CNTN5: variants seen among roughly 807,000 people sequenced by gnomAD.
CNTN5 encodes contactin 5.
In CNTN5, 77 loss-of-function variants were observed where a neutral mutation model predicts 129.1. That is an observed-to-expected ratio of 0.60 (90% CI 0.50 to 0.72). CNTN5 has a LOEUF of 0.72. Among genes scored for constraint, CNTN5 ranks in the 30% least tolerant of loss-of-function variants. CNTN5 has a pLI of 0.00. For missense variants in CNTN5, 1,478 were observed against 1,328.8 expected (o/e 1.11, Z -1.75); for synonymous variants, 509 against 465.6 (o/e 1.09, Z -1.20).
At chr11:99,889,156 A>G (rs1205956558) in intron 6 of CNTN5, among the ~76,000 whole-genome samples, 1 of 152,130 alleles carries the variant, frequency 6.6e-6, no homozygotes, top group Non-Finnish European at 1.5e-5. Flanking sequence ...ATAAATAGAT[A>G]TTGTCTAAAA....
intron 1 of CNTN5, among the ~76,000 whole-genome samples, chr11:99,163,585 T>C (rs1860723937): frequency 6.6e-6 from 1 of 152,204 alleles, no homozygotes; most frequent in African/African-American, 2.4e-5. Flanking sequence ...ATATATTTCT[T>C]AGTATACTTC....
At chr11:99,633,082 G>T (rs901642278) in intron 3 of CNTN5, among the ~76,000 whole-genome samples, 4 of 152,124 alleles carry the variant, frequency 2.6e-5, no homozygotes, top group Non-Finnish European at 5.9e-5. Flanking sequence ...GTGAAATGGG[G>T]AATCAGCTCC....
intron 8 of CNTN5, among the ~76,000 whole-genome samples, chr11:99,993,287 C>A (rs7117966): frequency 0.38 from 57,445 of 151,892 alleles, 12,363 homozygotes; most frequent in African/African-American, 0.59. Context: ...ACATAAGGTC[C>A]GAAAATCCCT....
chr11:99,244,092 A>C (rs970159417), intron 1 of CNTN5, among the ~76,000 whole-genome samples: 1 of 152,200 alleles, frequency 6.6e-6, no homozygotes, highest in Non-Finnish European at 1.5e-5. Flanking sequence ...CTTCCAATCC[A>C]TGAACATAGA....
chr11:99,985,570 G>C (rs752212614), intron 8 of CNTN5, among the ~76,000 whole-genome samples: 6 of 152,152 alleles, frequency 3.9e-5, no homozygotes, highest in East Asian at 1.9e-4. Context: ...GGGAAAGAGA[G>C]GGCAGACAGG....
intron 1 of CNTN5, among the ~76,000 whole-genome samples, chr11:99,095,083 T>C (rs1389324256): frequency 1.3e-5 from 2 of 151,894 alleles, no homozygotes; most frequent in Non-Finnish European, 2.9e-5. Context: ...GCTGTACCCA[T>C]CAACTTGTCA....
At chr11:99,426,163 T>C (rs1943110733) in intron 2 of CNTN5, among the ~76,000 whole-genome samples, 1 of 152,226 alleles carries the variant, frequency 6.6e-6, no homozygotes, top group South Asian at 2.1e-4. Flanking sequence ...AATCTGACTA[T>C]TTCTCTTTTG....
At chr11:100,287,703 T>C (rs1211544208) in intron 18 of CNTN5, among the ~76,000 whole-genome samples, 3 of 152,000 alleles carry the variant, frequency 2.0e-5, no homozygotes, top group East Asian at 1.9e-4. Flanking sequence ...CATCAACTAA[T>C]GAGCAAAATA....
intron 13 of CNTN5, among the ~76,000 whole-genome samples, chr11:100,147,732 AGG>A: frequency 6.9e-6 from 1 of 143,974 alleles, no homozygotes; most frequent in South Asian, 2.2e-4. Context: ...AATGACTAAT[AGG>A]ATTTGGGGTG....
chr11:99,407,846 G>A (rs539269963), intron 2 of CNTN5, among the ~76,000 whole-genome samples: 1 of 152,156 alleles, frequency 6.6e-6, no homozygotes, highest in South Asian at 2.1e-4. Flanking sequence ...TATAACAAGG[G>A]CAGCACTGAG....
At chr11:100,196,289 C>A (rs1948636671) in intron 15 of CNTN5, among the ~76,000 whole-genome samples, 1 of 151,524 alleles carries the variant, frequency 6.6e-6, no homozygotes, top group Admixed American at 6.6e-5. Flanking sequence ...GTAACTTAAA[C>A]TAACTAAACC....
chr11:99,819,950 G>A (rs542722524), intron 4 of CNTN5, among the ~76,000 whole-genome samples, 185 bp downstream of exon 4: 1 of 152,206 alleles, frequency 6.6e-6, no homozygotes, highest in African/African-American at 2.4e-5. Context: ...GAGGATGTTA[G>A]GGGAGATACT....
At chr11:100,158,963 A>G (rs1203166507) in intron 13 of CNTN5, among the ~76,000 whole-genome samples, 1 of 151,950 alleles carries the variant, frequency 6.6e-6, no homozygotes, top group African/African-American at 2.4e-5. Context: ...GTGTATTCAG[A>G]TAATGGAATA....
chr11:99,465,782 C>G (rs1007758992), intron 2 of CNTN5, among the ~76,000 whole-genome samples: 1 of 149,728 alleles, frequency 6.7e-6, no homozygotes, highest in Admixed American at 6.7e-5. Context: ...CCTCTGGAGA[C>G]TTAAAATTGT....
chr11:99,098,618 C>T (rs543587609), intron 1 of CNTN5, among the ~76,000 whole-genome samples: 1 of 152,072 alleles, frequency 6.6e-6, no homozygotes. Context: ...AAACGATAGT[C>T]TTCGATTGTT....
chr11:99,243,910 C>G (rs919194230), intron 1 of CNTN5, among the ~76,000 whole-genome samples: 6 of 151,840 alleles, frequency 4.0e-5, no homozygotes, highest in Non-Finnish European at 7.4e-5. Flanking sequence ...ATGCCTCCAG[C>G]TGTATTCTTT....
At chr11:99,392,981 A>G (rs1591617906) in intron 2 of CNTN5, among the ~76,000 whole-genome samples, 1 of 151,844 alleles carries the variant, frequency 6.6e-6, no homozygotes, top group Admixed American at 6.6e-5. Flanking sequence ...TGGTATAAGG[A>G]TGAGTAAGAT....
chr11:99,905,108 T>C (rs1487841223), intron 6 of CNTN5, among the ~76,000 whole-genome samples: 2 of 152,240 alleles, frequency 1.3e-5, no homozygotes, highest in African/African-American at 4.8e-5. Context: ...AGTCTGATGA[T>C]AGTTTCTTTT....
chr11:100,030,262 C>T (rs540124642), intron 9 of CNTN5, among the ~76,000 whole-genome samples: 12 of 152,236 alleles, frequency 7.9e-5, no homozygotes, highest in African/African-American at 2.9e-4. Context: ...ATCTGTAGTT[C>T]CAGCTACCCA....
Sources: gnomAD v4.1 joint callset for allele counts (sites outside exome capture counted in the v4.1 genomes callset) on GRCh38, gnomAD v4.1.1 for gene constraint, MANE v1.5 for transcripts, NCBI Gene and HGNC (gene_info 2026-07-23, HGNC 2026-07-21) for gene names.